Variants in TMEM132B observed in about 807,000 individuals in gnomAD.
The protein encoded by TMEM132B is transmembrane protein 132B.
Under a neutral mutation model 90.8 loss-of-function variants are expected in TMEM132B, and 18 were observed. The observed-to-expected ratio is 0.20, with a 90% CI of 0.14 to 0.29. The LOEUF is 0.29. TMEM132B is among the 10% of genes least tolerant of loss of function. TMEM132B has a pLI of 1.00. For missense variants in TMEM132B, 1,096 were observed against 1,326.8 expected, an observed-to-expected ratio of 0.83 and a Z score of 2.70; for synonymous variants, 504 against 523.3, an observed-to-expected ratio of 0.96 and a Z score of 0.50.
chr12:125,422,725 G>A (rs746635884), intron 3 of TMEM132B, among the ~76,000 whole-genome samples: 1 of 152,168 alleles, frequency 6.6e-6, no homozygotes, highest in Non-Finnish European at 1.5e-5. Context: ...CAGAGACAGG[G>A]ATGCGAGTGA....
chr12:125,372,793 C>T (rs575932471), intron 2 of TMEM132B, among the ~76,000 whole-genome samples: 2 of 152,136 alleles, frequency 1.3e-5, no homozygotes, highest in African/African-American at 4.8e-5. Context: ...ATGTTCATGA[C>T]GGACCACCCA....
intron 1 of TMEM132B, among the ~76,000 whole-genome samples, chr12:125,208,283 AGAG>A (rs917377227): frequency 1.7e-4 from 26 of 152,274 alleles, no homozygotes; most frequent in African/African-American, 6.0e-4. Context: ...TCAACTTTAA[AGAG>A]GACAATTTAT....
intron 1 of TMEM132B, among the ~76,000 whole-genome samples, chr12:125,198,700 G>A (rs1230136464): frequency 6.6e-6 from 1 of 152,212 alleles, no homozygotes; most frequent in Non-Finnish European, 1.5e-5. Flanking sequence ...GGAAAATATG[G>A]ATGCTTGCAT....
chr12:125,458,138 G>A lies in TMEM132B; in HGVS notation c.1106+42461G>A, dbSNP rs963429448. ...GAGACAGGTCTGGCTAGAACCAGCA[G>A]GACTCAGGGACAGAATCTGTGTGGG... On this transcript the variant is annotated intron_variant, in intron 3 of 8. Transcript: ENST00000682704. The surrounding 1 kb of genome is among the most constrained non-coding windows in gnomAD (Gnocchi z 4.9). 6.6e-6 allele frequency among the ~76,000 whole-genome samples: 1 copy of A among 152,054 alleles called. No homozygotes were observed. The highest frequency in any genetic ancestry group is 2.4e-5 in the African/African-American group (1 of 41,406).
intron 1 of TMEM132B, among the ~76,000 whole-genome samples, chr12:125,199,445 A>G (rs187757979): frequency 6.6e-6 from 1 of 152,194 alleles, no homozygotes; most frequent in African/African-American, 2.4e-5. Context: ...GTTTGCTGCC[A>G]TGGTTTGTAG....
rs1883247790 is a variant in TMEM132B at position 125,519,423 on chromosome 12, T to A, written c.1107-16T>A. The A allele has an allele frequency of 1.3e-6, 2 of 1,591,730 alleles. No individual in the cohort carries two copies. Among genetic ancestry groups the A allele is most frequent in the African/African-American group, 1.4e-5 (1 of 73,952 alleles). ...TGAGGTTTTAAATGGAACCTTAATA[T>A]GTGTTTGTTTTCCAGGGTAAATGGA... On this transcript the variant is annotated splice_polypyrimidine_tract_variant and intron_variant, in intron 3 of 8. Coordinates refer to ENST00000682704, the MANE Select transcript of TMEM132B (RefSeq NM_001366854.1).
At chr12:125,598,620 A>G (rs558968623) in intron 5 of TMEM132B, among the ~76,000 whole-genome samples, 10 of 152,232 alleles carry the variant, frequency 6.6e-5, no homozygotes, top group Non-Finnish European at 1.5e-4. Context: ...AAAGGTGCCA[A>G]TGAAAACTAA....
chr12:125,190,511 G>C (rs1593035091), intron 1 of TMEM132B, among the ~76,000 whole-genome samples: 1 of 133,618 alleles, frequency 7.5e-6, no homozygotes, highest in African/African-American at 3.1e-5. Context: ...GGGAAGGGGT[G>C]GTGATGGTGA....
chr12:125,428,826 G>A (rs1880410365), intron 3 of TMEM132B, among the ~76,000 whole-genome samples: 1 of 152,164 alleles, frequency 6.6e-6, no homozygotes, highest in Non-Finnish European at 1.5e-5. Context: ...ATAGGTACAG[G>A]CACACGTGGT....
chr12:125,634,502 G>A (rs1299205263), intron 5 of TMEM132B, among the ~76,000 whole-genome samples: 1 of 152,192 alleles, frequency 6.6e-6, no homozygotes, highest in Non-Finnish European at 1.5e-5. Flanking sequence ...ATCTTGTCCT[G>A]TAACCATCAC....
chr12:125,271,619 A>G (rs1252971878), intron 1 of TMEM132B, among the ~76,000 whole-genome samples: 2 of 152,118 alleles, frequency 1.3e-5, no homozygotes, highest in African/African-American at 4.8e-5. Flanking sequence ...ATTGTCTTTT[A>G]TATTTTCAAC....
Position 125,661,937 on chromosome 12 carries a change from T to A in TMEM132B, c.*7227T>A, listed in dbSNP as rs1029162777. 1 of 152,222 alleles carries A rather than the reference T, an allele frequency of 6.6e-6. No homozygotes were observed. The highest frequency in any genetic ancestry group is 1.5e-5 in the Non-Finnish European group (1 of 68,046). The allele number at this position is 152,222 out of a possible 1,614,324, so 9.4% of individuals were successfully genotyped here. A position where few individuals can be genotyped will look rare whatever the true frequency, so the allele number is the denominator to read the frequency against. ...TGTGTGTCTACAGGGCATGCTGTTG[T>A]CTCAAAATTGAAATGTGCATCTTAG... On this transcript the variant is annotated 3_prime_UTR_variant, in exon 9 of 9. Transcript: ENST00000682704.
intron 3 of TMEM132B, among the ~76,000 whole-genome samples, chr12:125,450,010 A>C (rs981707593): frequency 1.3e-5 from 2 of 152,140 alleles, no homozygotes; most frequent in Non-Finnish European, 2.9e-5. Flanking sequence ...CTGTGTATTC[A>C]CATTTGTACC....
intron 3 of TMEM132B, among the ~76,000 whole-genome samples, chr12:125,444,176 T>C (rs994853532): frequency 2.6e-5 from 4 of 152,214 alleles, no homozygotes; most frequent in African/African-American, 4.8e-5. Context: ...AAATTCATGT[T>C]TTATAGTTTG....
intron 1 of TMEM132B, among the ~76,000 whole-genome samples, chr12:125,288,768 C>T (rs1467330790): frequency 6.6e-6 from 1 of 152,166 alleles, no homozygotes; most frequent in East Asian, 1.9e-4. Context: ...ACCACTCACT[C>T]CCCAAATTCG....
intron 1 of TMEM132B, among the ~76,000 whole-genome samples, chr12:125,228,201 CCG>C (rs1052692034): frequency 1.3e-5 from 2 of 152,122 alleles, no homozygotes; most frequent in African/African-American, 2.4e-5. Flanking sequence ...CTCTCGGTTT[CCG>C]AGCCTCAGAA....
chr12:125,199,834 A>G (rs1873016081), intron 1 of TMEM132B, among the ~76,000 whole-genome samples: 1 of 152,194 alleles, frequency 6.6e-6, no homozygotes, highest in Non-Finnish European at 1.5e-5. Flanking sequence ...CAGAGGATAC[A>G]CATCAACTGT....
intron 2 of TMEM132B, among the ~76,000 whole-genome samples, chr12:125,391,647 C>A (rs1032048108): frequency 6.6e-6 from 1 of 152,152 alleles, no homozygotes; most frequent in Admixed American, 6.5e-5. Context: ...GTTCTGCTTG[C>A]GTTCTGCTCC....
At chr12:125,383,201 A>C (rs1398723346) in intron 2 of TMEM132B, among the ~76,000 whole-genome samples, 1 of 152,056 alleles carries the variant, frequency 6.6e-6, no homozygotes, top group Non-Finnish European at 1.5e-5. Context: ...GCAGGATTGC[A>C]GTAGAGTGTG....
Sources: gnomAD v4.1 joint callset for allele counts (sites outside exome capture counted in the v4.1 genomes callset) on GRCh38, gnomAD v4.1.1 for gene constraint, Gnocchi (gnomAD v3.1) non-coding constraint, MANE v1.5 for transcripts, NCBI Gene and HGNC (gene_info 2026-07-23, HGNC 2026-07-21) for gene names.